The following PTPRD variants were observed in gnomAD, a reference collection of about 807,000 sequenced individuals.
PTPRD encodes the protein receptor-type tyrosine-protein phosphatase delta.
Under a neutral mutation model 214.5 loss-of-function variants are expected in PTPRD, and 34 were observed. The ratio of observed to expected loss-of-function variants is 0.16; its 90% CI spans 0.12 to 0.21. PTPRD has a LOEUF of 0.21. Ranked by LOEUF, PTPRD falls within the 10% of genes least tolerant of loss-of-function variation. PTPRD has a pLI of 1.00. For synonymous variants in PTPRD, 1,128 were observed against 845.7 expected (o/e 1.33, Z -5.79); for missense variants, 2,545 against 2,398.7 (o/e 1.06, Z -1.27).
chr9:10,273,706 G>C (rs1445346768), intron 3 of PTPRD, among the ~76,000 whole-genome samples: 4 of 152,078 alleles, frequency 2.6e-5, no homozygotes, highest in Non-Finnish European at 5.9e-5. Flanking sequence ...TAAGCTGTCA[G>C]AAAAATACTT....
rs2097491929 is a variant in PTPRD at position 8,504,403 on chromosome 9, T to C, written c.1680A>G (p.Gln560=). The change falls in exon 23 of 46, where the codon CAA becomes CAG. Residue 560 remains glutamine (Q), a splice_region_variant and synonymous_variant. Transcript: ENST00000381196. ...VYKDGEHGEE[Q]RITIEPGTSY... is the part of the protein sequence containing the mutation. The stretch of plus-strand genomic sequence containing the variant: ...ATGTCCCTGGCTCAATGGTAATTCG[T>C]TGCTGGAAGCAATAAGAGAATGTGG... 6.2e-7 allele frequency: 1 copy of C among 1,614,084 alleles called. No homozygotes were observed. Among genetic ancestry groups the C allele is most frequent in the Non-Finnish European group, 8.5e-7 (1 of 1,179,976 alleles).
intron 8 of PTPRD, among the ~76,000 whole-genome samples, chr9:9,509,907 G>C (rs1333738625): frequency 6.6e-6 from 1 of 151,504 alleles, no homozygotes; most frequent in African/African-American, 2.4e-5. Context: ...TGTGTGCCTT[G>C]TATCTAATGT....
At chr9:8,802,653 G>A (rs994104350) in intron 11 of PTPRD, among the ~76,000 whole-genome samples, 3 of 152,130 alleles carry the variant, frequency 2.0e-5, no homozygotes, top group Admixed American at 1.3e-4. Flanking sequence ...AGATCCTAAG[G>A]CCATATGTTT....
rs1252530422 is a variant in PTPRD, at chr9:8,904,341, T to C, written c.-104+114356A>G. Among the ~76,000 whole-genome samples the C allele has an allele frequency of 3.3e-5, 5 of 152,192 alleles. No homozygotes were observed. In the East Asian group the frequency reaches 5.8e-4, roughly 18 times the overall value. ...ATATTCAAATTTCCTGTAAAAATTGTATAGCTGCTTATTTCTCAAACTTGG... is the reference window on the plus strand; with the variant it reads ...ATATTCAAATTTCCTGTAAAAATTGCATAGCTGCTTATTTCTCAAACTTGG... On this transcript the variant is annotated intron_variant, in intron 11 of 45. Coordinates refer to ENST00000381196, the MANE Select transcript of PTPRD (RefSeq NM_002839.4).
At chr9:9,758,148 C>CAAAAAAAGAAA in intron 6 of PTPRD, among the ~76,000 whole-genome samples, 1 of 114,940 alleles carries the variant, frequency 8.7e-6, no homozygotes, top group East Asian at 2.7e-4. Context: ...GTAAAAATGG[C>CAAAAAAAGAAA]AAAAAAAAAA....
intron 2 of PTPRD, among the ~76,000 whole-genome samples, chr9:10,559,715 A>G (rs2063426524): frequency 6.6e-6 from 1 of 152,186 alleles, no homozygotes; most frequent in Admixed American, 6.6e-5. Flanking sequence ...TTCAGAAGAA[A>G]AAAACAAACA....
In PTPRD at chr9:10,021,284, C is replaced by A. The variant is rs1201278894; in HGVS notation, c.-472+12434G>T. Among the ~76,000 whole-genome samples, 2 of 11,784 alleles carry A rather than the reference C, an allele frequency of 1.7e-4. 1 individual carries two copies. The highest frequency in any genetic ancestry group is 2.8e-4 in the Non-Finnish European group (2 of 7,040). 7.7% of individuals were successfully genotyped at this position (11,784 alleles called of 152,430 possible). The stretch of plus-strand genomic sequence containing the variant: ...CTAATTTATTGGCACACACAGTGAG[C>A]AATGAATAAATGTTTGTTGAATGAA... On this transcript the variant is annotated intron_variant, in intron 4 of 45. Coordinates refer to ENST00000381196, the MANE Select transcript of PTPRD (RefSeq NM_002839.4).
chr9:10,512,440 G>A (rs928448149), intron 2 of PTPRD, among the ~76,000 whole-genome samples: 8 of 152,014 alleles, frequency 5.3e-5, no homozygotes, highest in East Asian at 1.9e-4. Context: ...GGAAAGGGCC[G>A]GAGGAAAGGC....
At chr9:8,531,176 T>C (rs1372921818) in intron 14 of PTPRD, among the ~76,000 whole-genome samples, 2 of 152,042 alleles carry the variant, frequency 1.3e-5, no homozygotes, top group African/African-American at 4.8e-5. Flanking sequence ...AGTAGACAAG[T>C]GTCAGAAACA....
intron 10 of PTPRD, among the ~76,000 whole-genome samples, chr9:9,113,731 C>T (rs985954449): frequency 6.6e-6 from 1 of 152,062 alleles, no homozygotes; most frequent in African/African-American, 2.4e-5. Flanking sequence ...ACTAGTGCTG[C>T]CAGGGTCTCA....
chr9:9,630,704 T>C (rs1367561493), intron 7 of PTPRD, among the ~76,000 whole-genome samples: 3 of 152,196 alleles, frequency 2.0e-5, no homozygotes, highest in African/African-American at 7.2e-5. Context: ...ATATTCCAAA[T>C]AGTGGACACT....
intron 9 of PTPRD, among the ~76,000 whole-genome samples, chr9:9,275,237 C>G (rs1244405469): frequency 8.9e-6 from 1 of 111,736 alleles, no homozygotes; most frequent in African/African-American, 3.5e-5. Flanking sequence ...ATTTCATGCT[C>G]TTTGAATTTG....
intron 10 of PTPRD, among the ~76,000 whole-genome samples, chr9:9,155,274 C>G (rs144542385): frequency 1.3e-5 from 2 of 152,072 alleles, no homozygotes; most frequent in African/African-American, 4.8e-5. Flanking sequence ...GTTCCTGTCA[C>G]AGATTGTCTT....
chr9:8,536,792 T>A (rs1220998634), intron 14 of PTPRD, among the ~76,000 whole-genome samples: 4 of 151,956 alleles, frequency 2.6e-5, no homozygotes, highest in African/African-American at 9.7e-5. Context: ...GGCCACAAGG[T>A]CCCTCTTCGG....
intron 35 of PTPRD, among the ~76,000 whole-genome samples, chr9:8,415,624 A>G (rs1379326457): frequency 6.6e-6 from 1 of 152,178 alleles, no homozygotes; most frequent in Non-Finnish European, 1.5e-5. Flanking sequence ...CAAATGTAAT[A>G]TAATCTAAAC....
At chr9:9,824,346 T>C (rs1441391885) in intron 5 of PTPRD, among the ~76,000 whole-genome samples, 1 of 152,020 alleles carries the variant, frequency 6.6e-6, no homozygotes, top group African/African-American at 2.4e-5. Context: ...ACTACATAAT[T>C]TCTGAATAGA....
intron 7 of PTPRD, among the ~76,000 whole-genome samples, chr9:9,582,380 T>C (rs1004069467): frequency 1.3e-5 from 2 of 152,054 alleles, no homozygotes; most frequent in Non-Finnish European, 2.9e-5. Flanking sequence ...CCAGCAGTCA[T>C]ATATCATAAG....
At chr9:8,693,994 T>C (rs1348443761) in intron 12 of PTPRD, among the ~76,000 whole-genome samples, 1 of 152,216 alleles carries the variant, frequency 6.6e-6, no homozygotes, top group East Asian at 1.9e-4. Context: ...ACAAAAGCAT[T>C]GGAAATCTCA....
chr9:9,097,208 T>C (rs1036400534), intron 10 of PTPRD, among the ~76,000 whole-genome samples: 6 of 152,166 alleles, frequency 3.9e-5, no homozygotes, highest in Non-Finnish European at 8.8e-5. Flanking sequence ...TATGTTTTCT[T>C]GATCCCTGCA....
Sources: allele counts gnomAD v4.1 joint callset (sites outside exome capture counted in the v4.1 genomes callset), GRCh38; gene constraint gnomAD v4.1.1; transcripts MANE v1.5; gene names NCBI Gene and HGNC (gene_info 2026-07-23, HGNC 2026-07-21).